DNM1L: variants seen among roughly 807,000 people sequenced by gnomAD.
The protein encoded by DNM1L is dynamin-1-like protein.
A neutral mutation model predicts 92.8 loss-of-function variants in DNM1L; 33 were observed. The observed-to-expected ratio is 0.36, with a 90% CI of 0.27 to 0.48. DNM1L has a LOEUF of 0.48. DNM1L is among the 20% of genes least tolerant of loss of function. The pLI is 0.99. For missense variants in DNM1L, 485 were observed against 888.8 expected (o/e 0.55, Z 5.78); for synonymous variants, 284 against 305.0 (o/e 0.93, Z 0.72).
At chr12:32,715,043 A>G (rs955136403) in intron 6 of DNM1L, among the ~76,000 whole-genome samples, 2 of 151,434 alleles carry the variant, frequency 1.3e-5, no homozygotes, top group East Asian at 1.9e-4. Flanking sequence ...TATAAACTCT[A>G]TTTTAAACTG....
chr12:32,708,814 A>T (rs1953021110), intron 4 of DNM1L, among the ~76,000 whole-genome samples: 1 of 152,034 alleles, frequency 6.6e-6, no homozygotes, highest in Non-Finnish European at 1.5e-5. Flanking sequence ...AGGTACTATC[A>T]CTGCCTTGCC....
At chr12:32,680,210 C>A (rs1951755691) in intron 1 of DNM1L, among the ~76,000 whole-genome samples, 1 of 151,724 alleles carries the variant, frequency 6.6e-6, no homozygotes, top group Non-Finnish European at 1.5e-5. Flanking sequence ...ATAGCTAACT[C>A]ATTTTTTTTT....
At chr12:32,735,860 G>C (rs965204297) in intron 13 of DNM1L, among the ~76,000 whole-genome samples, 6 of 152,028 alleles carry the variant, frequency 3.9e-5, no homozygotes, top group African/African-American at 4.8e-5. Context: ...CTGGGCGACA[G>C]AGCGAGACTC....
chr12:32,683,776 C>G lies in DNM1L; in HGVS notation c.102+4311C>G, dbSNP rs182083458. On this transcript the variant is annotated intron_variant, in intron 1 of 19. Coordinates refer to ENST00000549701, the MANE Select transcript of DNM1L (RefSeq NM_012062.5). ...GTCAGGCTGGTCTCGAACTCCTGAC[C>G]TCATGATCCACTTGCCTTGGCCTCC... Among the ~76,000 whole-genome samples, 167 of 152,138 alleles carry G rather than the reference C, an allele frequency of 1.1e-3. 1 individual carries two copies. The highest frequency in any genetic ancestry group is 3.9e-3 in the African/African-American group (161 of 41,492).
Position 32,701,551 on chromosome 12 carries a change from G to T in DNM1L, c.239G>T (p.Gly80Val). The T allele has an allele frequency of 6.2e-7, 1 of 1,613,526 alleles. No individual in the cohort carries two copies. Among genetic ancestry groups the T allele is most frequent in the East Asian group, 2.2e-5 (1 of 44,830 alleles). ...VSQEDKRKTTGEENGVEAEEW... is the reference protein window; with the variant it reads ...VSQEDKRKTTVEENGVEAEEW... ...CAAGAAGATAAACGGAAAACAACAG[G>T]AGAAGAAAATGGTAAATTTCAGATT... Residue 80 changes from glycine to valine, a missense_variant, in exon 2 of 20, where the codon GGA (glycine) becomes GTA (valine). Physicochemically the swap from Gly to Val is moderately radical, Grantham distance 109. Around this residue, in one of 11 missense-constraint regions of DNM1L, gnomAD observed 159 missense variants for 275.9 expected, o/e 0.58. Coordinates refer to ENST00000549701, the MANE Select transcript of DNM1L (RefSeq NM_012062.5).
At chr12:32,703,203 G>C (rs1347111861) in intron 2 of DNM1L, among the ~76,000 whole-genome samples, 1 of 151,956 alleles carries the variant, frequency 6.6e-6, no homozygotes, top group Non-Finnish European at 1.5e-5. Flanking sequence ...TTCAGCTATC[G>C]TAGTGTCAGC....
intron 9 of DNM1L, among the ~76,000 whole-genome samples, chr12:32,730,702 T>C (rs762182840): frequency 6.6e-6 from 1 of 152,226 alleles, no homozygotes; most frequent in Non-Finnish European, 1.5e-5. Context: ...AAGGCACTGT[T>C]TCCTGTCCTC....
intron 9 of DNM1L, among the ~76,000 whole-genome samples, chr12:32,723,861 C>T (rs1953936409): frequency 2.6e-5 from 4 of 151,996 alleles, no homozygotes; most frequent in Admixed American, 2.6e-4. Flanking sequence ...TAAGGATTTC[C>T]AGTAGTAAGT....
intron 1 of DNM1L, among the ~76,000 whole-genome samples, chr12:32,695,923 G>A (rs546131001): frequency 6.6e-6 from 1 of 152,258 alleles, no homozygotes; most frequent in East Asian, 1.9e-4. Context: ...AAAATAAAGA[G>A]ATGTAAAAAG....
rs1165669121 is a variant in DNM1L, at chr12:32,743,569, A to ACACAT, written c.*164_*168dup. Reference sequence around the variant, plus strand: ...TGAAAAGTGTATTCCAAATTGCAGAACACATCACACATTTAATCCAAATAA... The same window carrying ACACAT: ...TGAAAAGTGTATTCCAAATTGCAGAACACATCACATCACACATTTAATCCAAATAA... On this transcript the variant is annotated 3_prime_UTR_variant, in exon 20 of 20. Transcript: ENST00000549701. 2 of 652,528 alleles carry ACACAT rather than the reference A, an allele frequency of 3.1e-6. No homozygotes were observed. The highest frequency in any genetic ancestry group is 5.3e-6 in the Non-Finnish European group (2 of 373,934). The allele number at this position is 652,528 out of a possible 1,614,324, so 40.4% of individuals were successfully genotyped here. A position where few individuals can be genotyped will look rare whatever the true frequency, so the allele number is the denominator to read the frequency against.
intron 2 of DNM1L, chr12:32,705,733 A>G: frequency 1.7e-6 from 2 of 1,147,608 alleles, no homozygotes; most frequent in Non-Finnish European, 2.5e-6. Flanking sequence ...TTGAAATGTG[A>G]TCAGGTTTCT....
chr12:32,737,435 C>T, intron 14 of DNM1L: 1 of 442,264 alleles, frequency 2.3e-6, no homozygotes, highest in Non-Finnish European at 4.1e-6. Context: ...CAGTCAGTGA[C>T]TTTATCAACT....
At chr12:32,727,750 T>TTA (rs1475139297) in intron 9 of DNM1L, among the ~76,000 whole-genome samples, 2 of 152,232 alleles carry the variant, frequency 1.3e-5, no homozygotes, top group Non-Finnish European at 2.9e-5. Context: ...ATTTTACTTT[T>TTA]TAGATATACC....
chr12:32,740,323 C>G, intron 17 of DNM1L, 83 bp downstream of exon 17: 2 of 1,610,904 alleles, frequency 1.2e-6, no homozygotes, highest in African/African-American at 1.3e-5. Flanking sequence ...AACTAAAAGT[C>G]TCAAAAACTT....
chr12:32,679,670 T>A, intron 1 of DNM1L: 1 of 1,263,752 alleles, frequency 7.9e-7, no homozygotes, highest in Non-Finnish European at 9.9e-7. Context: ...AGGCGGAGAA[T>A]CCGGGGCCCG....
intron 9 of DNM1L, chr12:32,727,329 C>T: frequency 1.2e-6 from 1 of 815,250 alleles, no homozygotes; most frequent in East Asian, 2.4e-5. Context: ...AGCATTCACT[C>T]CTCTTTTAAC....
chr12:32,717,961 A>T (rs1953591568), intron 6 of DNM1L, among the ~76,000 whole-genome samples: 1 of 105,060 alleles, frequency 9.5e-6, no homozygotes, highest in Non-Finnish European at 1.7e-5. Context: ...TATATATAGT[A>T]TATATATTAT....
chr12:32,701,884 T>A (rs9738377), intron 2 of DNM1L, among the ~76,000 whole-genome samples: 20 of 151,278 alleles, frequency 1.3e-4, no homozygotes, highest in Non-Finnish European at 2.2e-4. Context: ...CCCCCCACCA[T>A]GCCCAGCTAA....
At chr12:32,698,291 G>C (rs757788619) in intron 1 of DNM1L, among the ~76,000 whole-genome samples, 12 of 152,178 alleles carry the variant, frequency 7.9e-5, no homozygotes, top group Non-Finnish European at 1.5e-4. Context: ...GAAATGAGGA[G>C]CCCTGGCAGG....
Sources: allele counts gnomAD v4.1 joint callset (sites outside exome capture counted in the v4.1 genomes callset), GRCh38; gene constraint gnomAD v4.1.1; regional missense constraint gnomAD v4.1.1; transcripts MANE v1.5; gene names NCBI Gene and HGNC (gene_info 2026-07-23, HGNC 2026-07-21).